FBXL7: variants seen among roughly 807,000 people sequenced by gnomAD.
FBXL7 encodes F-box/LRR-repeat protein 7.
Under a neutral mutation model 38.3 loss-of-function variants are expected in FBXL7, and 12 were observed. That is an observed-to-expected ratio of 0.31 (90% confidence interval 0.20 to 0.51). The LOEUF is 0.51. FBXL7 is among the 20% of genes least tolerant of loss of function. The pLI, the probability that FBXL7 is intolerant of heterozygous loss-of-function variation, is 0.98. For missense variants in FBXL7, 567 were observed against 676.4 expected (o/e 0.84, Z 1.79); for synonymous variants, 297 against 300.9 (o/e 0.99, Z 0.13).
At chr5:15,596,646 T>G (rs1262589741) in intron 1 of FBXL7, among the ~76,000 whole-genome samples, 2 of 152,222 alleles carry the variant, frequency 1.3e-5, no homozygotes, top group East Asian at 3.8e-4. Flanking sequence ...AAAGACTGAC[T>G]TTATTTCCCC....
At chr5:15,542,192 T>C (rs1737771833) in intron 1 of FBXL7, among the ~76,000 whole-genome samples, 1 of 151,978 alleles carries the variant, frequency 6.6e-6, no homozygotes, top group African/African-American at 2.4e-5. Context: ...TGAAAGTTTT[T>C]TTTTTAAATA....
At chr5:15,512,641 C>T (rs1736831054) in intron 1 of FBXL7, among the ~76,000 whole-genome samples, 2 of 152,158 alleles carry the variant, frequency 1.3e-5, no homozygotes, top group Admixed American at 6.5e-5. Flanking sequence ...ATTACACCCT[C>T]TTATAGATGA....
chr5:15,742,223 C>A (rs1735910636), intron 2 of FBXL7, among the ~76,000 whole-genome samples: 1 of 152,118 alleles, frequency 6.6e-6, no homozygotes, highest in Admixed American at 6.6e-5. Flanking sequence ...CCTAAGTCCT[C>A]CCTCTGTGTG....
chr5:15,797,350 A>G (rs1206595318), intron 2 of FBXL7, among the ~76,000 whole-genome samples: 3 of 152,274 alleles, frequency 2.0e-5, no homozygotes, highest in African/African-American at 7.2e-5. Context: ...GTCTCTCTAT[A>G]TAAACATGTG....
At chr5:15,680,747 C>A (rs1198621397) in intron 2 of FBXL7, among the ~76,000 whole-genome samples, 1 of 152,076 alleles carries the variant, frequency 6.6e-6, no homozygotes, top group Non-Finnish European at 1.5e-5. Flanking sequence ...TTTTAGGATG[C>A]CAATGTATTA....
In FBXL7 at chr5:15,923,153, C is replaced by T. The variant is rs545877387; in HGVS notation, c.128-4737C>T. Among the ~76,000 whole-genome samples, 3 of 152,298 alleles carry T rather than the reference C, an allele frequency of 2.0e-5. No homozygotes were observed. The South Asian group carries it at 6.2e-4, about 32-fold the overall frequency. The stretch of plus-strand genomic sequence containing the variant: ...GATGTTCTCCTCTCTGAGTGTGTGT[C>T]CTGGTACCCCTGCATCGGGGTCCCT... On this transcript the variant is annotated intron_variant, in intron 2 of 3. Coordinates refer to ENST00000504595, the MANE Select transcript of FBXL7 (RefSeq NM_012304.5).
intron 2 of FBXL7, among the ~76,000 whole-genome samples, chr5:15,886,446 C>T (rs184527393): frequency 6.6e-6 from 1 of 152,178 alleles, no homozygotes; most frequent in Admixed American, 6.5e-5. Flanking sequence ...ATTAGAGAGG[C>T]CTAAATTTGT....
intron 1 of FBXL7, among the ~76,000 whole-genome samples, chr5:15,545,903 G>A (rs143241904): frequency 6.6e-6 from 1 of 152,310 alleles, no homozygotes; most frequent in Non-Finnish European, 1.5e-5. Flanking sequence ...GTTGACATCT[G>A]CACTGACCAC....
intron 1 of FBXL7, among the ~76,000 whole-genome samples, chr5:15,615,030 G>A (rs531680099): frequency 7.6e-4 from 115 of 152,264 alleles, no homozygotes; most frequent in African/African-American, 2.5e-3. Flanking sequence ...CACTCTCAAG[G>A]GGGAGGAGAT....
intron 2 of FBXL7, among the ~76,000 whole-genome samples, chr5:15,686,601 ATAT>A (rs1408029004): frequency 1.3e-5 from 2 of 152,326 alleles, no homozygotes; most frequent in African/African-American, 4.8e-5. Flanking sequence ...CCCTCTAGGG[ATAT>A]TATTTTAATT....
chr5:15,561,282 T>C (rs1460767297), intron 1 of FBXL7, among the ~76,000 whole-genome samples: 1 of 152,194 alleles, frequency 6.6e-6, no homozygotes, highest in Admixed American at 6.5e-5. Context: ...TGTATTATTA[T>C]TTTTAAGATT....
chr5:15,631,965 C>T (rs1276666973), intron 2 of FBXL7, among the ~76,000 whole-genome samples: 6 of 152,124 alleles, frequency 3.9e-5, no homozygotes, highest in African/African-American at 1.2e-4. Context: ...GTTTTAAGAA[C>T]TTGAGGTAGA....
intron 1 of FBXL7, among the ~76,000 whole-genome samples, chr5:15,557,173 C>T (rs1008566361): frequency 8.5e-5 from 13 of 152,158 alleles, no homozygotes; most frequent in African/African-American, 3.1e-4. Context: ...CTCTTGACCT[C>T]GTGATCCCCC....
intron 2 of FBXL7, among the ~76,000 whole-genome samples, chr5:15,700,375 T>C (rs184204568): frequency 7.9e-5 from 12 of 152,308 alleles, no homozygotes; most frequent in Admixed American, 7.2e-4. Flanking sequence ...AATACGTACG[T>C]TGTTAATCCC....
chr5:15,868,182 C>T (rs1739802167), intron 2 of FBXL7, among the ~76,000 whole-genome samples: 3 of 151,932 alleles, frequency 2.0e-5, no homozygotes. Context: ...CAGGGAGCAG[C>T]CCCTGGCTGG....
intron 2 of FBXL7, among the ~76,000 whole-genome samples, chr5:15,666,204 G>A (rs1742271343): frequency 6.6e-6 from 1 of 152,038 alleles, no homozygotes; most frequent in Non-Finnish European, 1.5e-5. Context: ...ATTTTTGGTT[G>A]TAATTCTGAG....
chr5:15,670,650 A>G (rs1742435143), intron 2 of FBXL7, among the ~76,000 whole-genome samples: 1 of 152,022 alleles, frequency 6.6e-6, no homozygotes, highest in Non-Finnish European at 1.5e-5. Flanking sequence ...AAAATACAAC[A>G]CTTAGTCCGG....
intron 1 of FBXL7, among the ~76,000 whole-genome samples, chr5:15,511,945 G>A (rs902958499): frequency 1.3e-5 from 2 of 152,162 alleles, no homozygotes; most frequent in African/African-American, 4.8e-5. Context: ...AAAAGATCAT[G>A]ACAAAATGAC....
chr5:15,563,349 T>C (rs745616788), intron 1 of FBXL7, among the ~76,000 whole-genome samples: 4 of 152,134 alleles, frequency 2.6e-5, no homozygotes, highest in Non-Finnish European at 5.9e-5. Flanking sequence ...CGCTCTGCTA[T>C]TTAAACGTTG....
Sources: gnomAD v4.1 joint callset for allele counts (sites outside exome capture counted in the v4.1 genomes callset) on GRCh38, gnomAD v4.1.1 for gene constraint, MANE v1.5 for transcripts, NCBI Gene and HGNC (gene_info 2026-07-23, HGNC 2026-07-21) for gene names.